HHLA2: variants seen among roughly 807,000 people sequenced by gnomAD.
HHLA2 encodes HERV-H LTR-associating protein 2.
A neutral mutation model predicts 45.9 loss-of-function variants in HHLA2; 48 were observed. That is an observed-to-expected ratio of 1.05 (90% CI 0.83 to 1.33). The LOEUF is 1.33. Among genes scored for constraint, HHLA2 ranks in the 40% most tolerant of loss-of-function variants. HHLA2 has a pLI of 0.00. For missense variants in HHLA2, 462 were observed against 494.3 expected, an observed-to-expected ratio of 0.93 and a Z score of 0.62; for synonymous variants, 161 against 173.9, an observed-to-expected ratio of 0.93 and a Z score of 0.59.
chr3:108,345,894 C>T (rs1195554790), intron 3 of HHLA2, among the ~76,000 whole-genome samples: 1 of 152,158 alleles, frequency 6.6e-6, no homozygotes, highest in East Asian at 1.9e-4. Flanking sequence ...AGATAAATTC[C>T]TTTTTGCTCT....
chr3:108,376,334 G>T (rs781128323), intron 9 of HHLA2, among the ~76,000 whole-genome samples, 159 bp from the exon 9 acceptor site: 22 of 152,128 alleles, frequency 1.4e-4, no homozygotes, highest in Non-Finnish European at 2.4e-4. Context: ...CTGATGATGT[G>T]TTTTTACACT....
chr3:108,344,272 T>C (rs1164562007), intron 3 of HHLA2, among the ~76,000 whole-genome samples: 1 of 152,114 alleles, frequency 6.6e-6, no homozygotes, highest in African/African-American at 2.4e-5. Flanking sequence ...TTCTTAAAAA[T>C]GGCCAGAGAC....
At chr3:108,335,275 G>A (rs899260402) in intron 3 of HHLA2, among the ~76,000 whole-genome samples, 2 of 152,204 alleles carry the variant, frequency 1.3e-5, no homozygotes, top group African/African-American at 4.8e-5. Flanking sequence ...TGCATGAGCA[G>A]ATTGTTTACA....
intron 2 of HHLA2, among the ~76,000 whole-genome samples, chr3:108,323,208 G>A (rs58067580): frequency 0.19 from 28,756 of 151,892 alleles, 3,236 homozygotes; most frequent in East Asian, 0.53. Context: ...CTACTATTTG[G>A]TAACACAACA....
chr3:108,363,801 C>T (rs761565631), intron 8 of HHLA2, among the ~76,000 whole-genome samples: 1 of 152,126 alleles, frequency 6.6e-6, no homozygotes, highest in Non-Finnish European at 1.5e-5. Flanking sequence ...ACTGAAAACA[C>T]ATGGCACACT....
chr3:108,352,954 T>C (rs1420763319), intron 4 of HHLA2, among the ~76,000 whole-genome samples: 3 of 152,238 alleles, frequency 2.0e-5, no homozygotes, highest in African/African-American at 4.8e-5. Flanking sequence ...TTGTCTTCTA[T>C]GTGCTCCAAA....
chr3:108,355,424 G>C (rs756807808), intron 6 of HHLA2, 43 bp downstream of exon 5: 2 of 1,574,994 alleles, frequency 1.3e-6, no homozygotes, highest in African/African-American at 2.7e-5. Context: ...CTGTTTCAAA[G>C]TTGGGGGGTA....
rs201404401 is a variant in HHLA2, at chr3:108,345,867, AC to A, written c.-26-5920del. Among the ~76,000 whole-genome samples, 1,044 of 152,314 alleles carry A rather than the reference AC, an allele frequency of 6.9e-3. 6 individuals are homozygous for A. The highest frequency in any genetic ancestry group is 0.023 in the African/African-American group (965 of 41,578). On this transcript the variant is annotated intron_variant, in intron 3 of 10. Coordinates refer to ENST00000619531, the Ensembl canonical transcript of HHLA2. ...AATGCCAATGGGGAAAACTTTAACC[AC>A]TGGGGGGCAACTTATAGATAAATTC...
chr3:108,337,461 G>A (rs2081493228), intron 3 of HHLA2, among the ~76,000 whole-genome samples: 2 of 152,126 alleles, frequency 1.3e-5, no homozygotes, highest in Non-Finnish European at 2.9e-5. Context: ...ATGGTTCATA[G>A]AGTATTTAGG....
At chr3:108,327,381 C>T (rs936421680) in intron 2 of HHLA2, among the ~76,000 whole-genome samples, 1 of 152,142 alleles carries the variant, frequency 6.6e-6, no homozygotes, top group African/African-American at 2.4e-5. Context: ...GGAAAATTGT[C>T]CTTCATTATT....
chr3:108,315,869 G>A (rs577895217), intron 2 of HHLA2, among the ~76,000 whole-genome samples: 1 of 152,144 alleles, frequency 6.6e-6, no homozygotes, highest in Non-Finnish European at 1.5e-5. Context: ...GTCTATTTGT[G>A]TGGTTTATAT....
chr3:108,359,344 G>A (rs2081951315), intron 7 of HHLA2, among the ~76,000 whole-genome samples: 1 of 152,142 alleles, frequency 6.6e-6, no homozygotes, highest in Non-Finnish European at 1.5e-5. Context: ...ATGTTGGCCA[G>A]GTGGGGCTGG....
chr3:108,355,006 AT>A, intron 5 of HHLA2, 108 bp from the exon 5 acceptor site: 1 of 1,204,150 alleles, frequency 8.3e-7, no homozygotes, highest in African/African-American at 1.5e-5. Context: ...AGTTTTGCTC[AT>A]AAAATTTAGC....
At chr3:108,331,642 T>A (rs1452742068) in intron 3 of HHLA2, among the ~76,000 whole-genome samples, 1 of 152,116 alleles carries the variant, frequency 6.6e-6, no homozygotes, top group East Asian at 1.9e-4. Flanking sequence ...CAAAATTTGA[T>A]CCTTGGACTT....
intron 8 of HHLA2, among the ~76,000 whole-genome samples, chr3:108,364,359 T>TGGCAC (rs2082029072): frequency 6.6e-6 from 1 of 152,242 alleles, no homozygotes; most frequent in African/African-American, 2.4e-5. Flanking sequence ...TTCCATGGTG[T>TGGCAC]ATATGTGCCA....
At chr3:108,328,356 G>A (rs2081326311) in intron 3 of HHLA2, 1 of 1,516,214 alleles carries the variant, frequency 6.6e-7, no homozygotes, top group Admixed American at 2.0e-5. Context: ...TGGTAAGTAG[G>A]GAGATATACA....
intron 1 of HHLA2, among the ~76,000 whole-genome samples, chr3:108,303,946 G>T (rs1487647975): frequency 1.3e-5 from 2 of 152,118 alleles, no homozygotes; most frequent in Non-Finnish European, 2.9e-5. Context: ...TGAGTTATTG[G>T]CAGGGGTGGA....
At chr3:108,299,825 AG>A (rs759401463) in intron 1 of HHLA2, among the ~76,000 whole-genome samples, 15 of 152,164 alleles carry the variant, frequency 9.9e-5, no homozygotes, top group Non-Finnish European at 1.6e-4. Flanking sequence ...CATTTCGTGT[AG>A]GAGCAAGGGT....
At chr3:108,333,018 A>G (rs11708668) in intron 3 of HHLA2, among the ~76,000 whole-genome samples, 84,923 of 152,050 alleles carry the variant, frequency 0.56, 24,349 homozygotes, top group Middle Eastern at 0.63. Context: ...ACTTCATTGG[A>G]GTAAAAGGCA....
Sources: gnomAD v4.1 joint callset for allele counts (sites outside exome capture counted in the v4.1 genomes callset) on GRCh38, gnomAD v4.1.1 for gene constraint, MANE v1.5 for transcripts, NCBI Gene and HGNC (gene_info 2026-07-23, HGNC 2026-07-21) for gene names.